Variants in HAS2 observed in about 807,000 individuals in gnomAD.
The protein encoded by HAS2 is HA synthase 2.
A neutral mutation model predicts 51.6 loss-of-function variants in HAS2; 16 were observed. The ratio of observed to expected loss-of-function variants is 0.31; its 90% CI spans 0.21 to 0.47. The LOEUF (loss-of-function observed/expected upper bound fraction) is 0.47. Among genes scored for constraint, HAS2 ranks in the 20% least tolerant of loss-of-function variants. The pLI is 1.00. For missense variants in HAS2, 361 were observed against 662.6 expected, an observed-to-expected ratio of 0.54 and a Z score of 5.00; for synonymous variants, 228 against 235.5, an observed-to-expected ratio of 0.97 and a Z score of 0.29.
intron 1 of HAS2, among the ~76,000 whole-genome samples, chr8:121,632,292 G>C (rs1428159446): frequency 6.6e-6 from 1 of 152,144 alleles, no homozygotes; most frequent in African/African-American, 2.4e-5. Flanking sequence ...CCATGTGTTA[G>C]ACTTTCTGAG....
chr8:121,639,334 G>C (rs1215461658), intron 1 of HAS2: 2 of 152,244 alleles, frequency 1.3e-5, no homozygotes, highest in Non-Finnish European at 2.9e-5. Context: ...GAGCAGCGTC[G>C]CGTTTCTGGG....
intron 1 of HAS2, among the ~76,000 whole-genome samples, chr8:121,630,420 CA>C (rs1182947378): frequency 6.6e-6 from 1 of 151,648 alleles, no homozygotes; most frequent in Admixed American, 6.6e-5. Context: ...TTGTATTTCC[CA>C]AAGGATTTGT....
intron 3 of HAS2, among the ~76,000 whole-genome samples, chr8:121,615,411 A>T (rs548896147): frequency 3.3e-5 from 5 of 152,256 alleles, no homozygotes; most frequent in Non-Finnish European, 7.4e-5. Context: ...ATTTGGGCTC[A>T]CTGCAACCTC....
intron 1 of HAS2, among the ~76,000 whole-genome samples, chr8:121,640,444 T>TGTGTGTGG (rs1491405607): frequency 7.0e-6 from 1 of 143,266 alleles, no homozygotes; most frequent in African/African-American, 2.6e-5. Flanking sequence ...TGTGTGTGTG[T>TGTGTGTGG]GGGAAAAAAA....
At chr8:121,627,778 T>C (rs1812874097) in intron 2 of HAS2, among the ~76,000 whole-genome samples, 1 of 152,086 alleles carries the variant, frequency 6.6e-6, no homozygotes, top group Admixed American at 6.5e-5. Context: ...TCCTAAAGAA[T>C]AGGATGCATC....
At chr8:121,622,686 CAAA>C (rs201376901) in intron 2 of HAS2, among the ~76,000 whole-genome samples, 3 of 132,274 alleles carry the variant, frequency 2.3e-5, no homozygotes, top group Non-Finnish European at 1.7e-5. Context: ...CTCATACAAC[CAAA>C]AAAAAAAAAA....
At chr8:121,639,908 G>A (rs1490823621) in intron 1 of HAS2, 1 of 151,988 alleles carries the variant, frequency 6.6e-6, no homozygotes, top group African/African-American at 2.4e-5. Context: ...TCATCGGCTG[G>A]GCGCTCGAGA....
chr8:121,624,341 C>T (rs1429959107), intron 2 of HAS2, among the ~76,000 whole-genome samples: 1 of 152,182 alleles, frequency 6.6e-6, no homozygotes, highest in African/African-American at 2.4e-5. Context: ...AAAGCTGAAA[C>T]AAGAAGCCAA....
intron 3 of HAS2, among the ~76,000 whole-genome samples, chr8:121,615,982 C>T (rs1164367658): frequency 1.3e-5 from 2 of 152,036 alleles, no homozygotes; most frequent in Non-Finnish European, 2.9e-5. Flanking sequence ...TTTCTTTGTC[C>T]CTTCTAATGT....
intron 3 of HAS2, among the ~76,000 whole-genome samples, chr8:121,616,553 A>C (rs1210367743): frequency 6.6e-6 from 1 of 151,028 alleles, no homozygotes; most frequent in African/African-American, 2.4e-5. Context: ...CTCTTGTCTC[A>C]GCCTCCCAAG....
intron 2 of HAS2, among the ~76,000 whole-genome samples, chr8:121,625,544 C>A (rs1186162296): frequency 6.7e-6 from 1 of 150,158 alleles, no homozygotes; most frequent in African/African-American, 2.5e-5. Context: ...TTTTTTGAGA[C>A]AGGATCTTTC....
chr8:121,637,310 A>T (rs1012531884), intron 1 of HAS2, among the ~76,000 whole-genome samples: 1 of 151,546 alleles, frequency 6.6e-6, no homozygotes, highest in African/African-American at 2.4e-5. Flanking sequence ...TATTTAATTG[A>T]CTCTCATCAG....
rs1434716349 is a variant in HAS2, at chr8:121,613,639, GGCCT to G, written c.*466_*469del. The G allele has an allele frequency of 6.2e-6, 1 of 160,652 alleles. No individual in the cohort carries two copies. The highest frequency in any genetic ancestry group is 1.4e-5 in the Non-Finnish European group (1 of 72,542). 10.0% of individuals were successfully genotyped at this position (160,652 alleles called of 1,614,324 possible). A position where few individuals can be genotyped will look rare whatever the true frequency, so the allele number is the denominator to read the frequency against. ...TATATCAAAATACAGCACAGCCAAC[GGCCT>G]TTAAAACTTCCTTTGGCATTTCATT... On this transcript the variant is annotated 3_prime_UTR_variant, in exon 4 of 4. Transcript: ENST00000303924.
At position 121,613,926 on chromosome 8, in the gene HAS2, T is replaced by A. The variant is rs558331138; in HGVS notation, c.*183A>T. On this transcript the variant is annotated 3_prime_UTR_variant, in exon 4 of 4. Transcript: ENST00000303924. ...AGAAATAACAGGTTAAATCTGAGTT[T>A]CTTCTTGTTGATGTATTGTTTTACT... The A allele has an allele frequency of 2.7e-5, 22 of 810,400 alleles. No homozygotes were observed. The African/African-American group carries it at 3.8e-4, about 14-fold the overall frequency. The allele number at this position is 810,400 out of a possible 1,614,324, so 50.2% of individuals were successfully genotyped here. A position where few individuals can be genotyped will look rare whatever the true frequency, so the allele number is the denominator to read the frequency against.
At chr8:121,639,630 CT>C (rs1813062617) in intron 1 of HAS2, 1 of 153,308 alleles carries the variant, frequency 6.5e-6, no homozygotes, top group African/African-American at 2.4e-5. Flanking sequence ...CTCTTTGCAG[CT>C]TTAATTATCC....
intron 1 of HAS2, among the ~76,000 whole-genome samples, chr8:121,633,345 T>C (rs536317510): frequency 6.8e-4 from 103 of 152,248 alleles, no homozygotes; most frequent in African/African-American, 2.4e-3. Context: ...GGTTTCACCG[T>C]GTTGGCCAGG....
Position 121,628,852 on chromosome 8 carries a change from T to C in HAS2, c.489A>G (p.Ser163=). 6.2e-7 allele frequency: 1 copy of C among 1,614,204 alleles called. No individual in the cohort carries two copies. Among genetic ancestry groups the C allele is most frequent in the Non-Finnish European group, 8.5e-7 (1 of 1,180,010 alleles). Residue 163 remains serine (S), a synonymous_variant, in exon 2 of 4, where the codon TCA becomes TCG. Coordinates refer to ENST00000303924, the MANE Select transcript of HAS2 (RefSeq NM_005328.3). The part of the protein sequence containing the change: ...HEKGPGETDE[S]HKESSQHVTQ... ...TTACGTGTTGCGAGCTTTCTTTATG[T>C]GACTCATCTGTCTCACCGGGACCCT...
At chr8:121,623,253 AT>A (rs1215572063) in intron 2 of HAS2, among the ~76,000 whole-genome samples, 1 of 152,164 alleles carries the variant, frequency 6.6e-6, no homozygotes, top group Non-Finnish European at 1.5e-5. Flanking sequence ...AAAAGGAGTC[AT>A]TTGGTTATTC....
rs775407557 is a variant in HAS2 at position 121,629,199 on chromosome 8, G to A, written c.142C>T (p.Leu48=). The change falls in exon 2 of 4, where the codon CTG becomes TTG. Residue 48 remains leucine (L), a synonymous_variant. Coordinates refer to ENST00000303924, the MANE Select transcript of HAS2 (RefSeq NM_005328.3). The part of the protein sequence containing the change: ...QTDNYYFSFG[L]YGAFLASHLI... The stretch of plus-strand genomic sequence containing the variant: ...TGTGATGCCAAAAAGGCACCATACA[G>A]TCCAAAAGAGAAATAGTAATTATCC... 2.2e-5 allele frequency: 36 copies of A among 1,613,958 alleles called. No individual in the cohort carries two copies. Among genetic ancestry groups the A allele is most frequent in the Non-Finnish European group, 3.1e-5 (36 of 1,179,958 alleles).
Sources: gnomAD v4.1 joint callset for allele counts (sites outside exome capture counted in the v4.1 genomes callset) on GRCh38, gnomAD v4.1.1 for gene constraint, MANE v1.5 for transcripts, NCBI Gene and HGNC (gene_info 2026-07-23, HGNC 2026-07-21) for gene names.